Variants in PCDH7 observed in about 807,000 individuals in gnomAD.
The protein encoded by PCDH7 is protocadherin-7.
A neutral mutation model predicts 58.9 loss-of-function variants in PCDH7; 17 were observed. That is an observed-to-expected ratio of 0.29 (90% confidence interval 0.20 to 0.43). The LOEUF is 0.43. Among genes scored for constraint, PCDH7 ranks in the 20% least tolerant of loss-of-function variants. The pLI, the probability that PCDH7 is intolerant of heterozygous loss-of-function variation, is 1.00. For synonymous variants in PCDH7, 664 were observed against 616.4 expected, an observed-to-expected ratio of 1.08 and a Z score of -1.14; for missense variants, 1,274 against 1,441.0, an observed-to-expected ratio of 0.88 and a Z score of 1.88.
At chr4:31,020,350 C>T (rs920090874) in intron 3 of PCDH7, among the ~76,000 whole-genome samples, 1 of 152,090 alleles carries the variant, frequency 6.6e-6, no homozygotes, top group Non-Finnish European at 1.5e-5. Flanking sequence ...GAGATTCTCT[C>T]CTCTCTCTCT....
intron 1 of PCDH7, 136 bp from the exon 2 acceptor site, chr4:30,920,017 C>T: frequency 2.1e-6 from 1 of 486,106 alleles, no homozygotes; most frequent in Non-Finnish European, 3.4e-6. Context: ...TTAACTAATG[C>T]AGTTTCAACA....
intron 1 of PCDH7, among the ~76,000 whole-genome samples, chr4:30,798,277 A>G (rs1725055357): frequency 6.6e-6 from 1 of 152,216 alleles, no homozygotes; most frequent in Admixed American, 6.5e-5. Flanking sequence ...TAGAACAATA[A>G]CTTTCATGAC....
chr4:30,973,317 G>C (rs554985758), intron 3 of PCDH7, among the ~76,000 whole-genome samples: 21 of 152,162 alleles, frequency 1.4e-4, no homozygotes, highest in Admixed American at 1.4e-3. Context: ...GAAGACAGGG[G>C]ATATTGGTGT....
At chr4:31,004,571 A>G (rs1054564275) in intron 3 of PCDH7, among the ~76,000 whole-genome samples, 1 of 152,080 alleles carries the variant, frequency 6.6e-6, no homozygotes, top group African/African-American at 2.4e-5. Context: ...TTAGCTGATC[A>G]GCTACTTAGG....
intron 1 of PCDH7, among the ~76,000 whole-genome samples, chr4:30,779,877 C>G (rs897900285): frequency 6.6e-6 from 1 of 152,164 alleles, no homozygotes; most frequent in African/African-American, 2.4e-5. Context: ...GACAGCCAAA[C>G]TTGCTATTCA....
At chr4:31,010,473 G>T (rs1230456282) in intron 3 of PCDH7, among the ~76,000 whole-genome samples, 1 of 151,902 alleles carries the variant, frequency 6.6e-6, no homozygotes, top group East Asian at 1.9e-4. Context: ...AATTGGAAAA[G>T]GTAAGATTAT....
intron 1 of PCDH7, among the ~76,000 whole-genome samples, chr4:30,919,510 T>C (rs1036090695): frequency 2.6e-5 from 4 of 152,300 alleles, no homozygotes; most frequent in Non-Finnish European, 2.9e-5. Flanking sequence ...TTAAACTTTA[T>C]AGTTTATTTC....
At chr4:30,894,101 G>A (rs1461883433) in intron 1 of PCDH7, among the ~76,000 whole-genome samples, 1 of 152,006 alleles carries the variant, frequency 6.6e-6, no homozygotes, top group African/African-American at 2.4e-5. Flanking sequence ...TTGTTCTTAA[G>A]AAATTATTTC....
intron 1 of PCDH7, among the ~76,000 whole-genome samples, chr4:30,837,136 T>A (rs979891115): frequency 6.6e-6 from 1 of 152,246 alleles, no homozygotes; most frequent in East Asian, 1.9e-4. Flanking sequence ...TCAATGATTG[T>A]ATGATAAGTA....
intron 1 of PCDH7, among the ~76,000 whole-genome samples, chr4:30,808,614 GA>G (rs1726571134): frequency 6.6e-6 from 1 of 151,770 alleles, no homozygotes; most frequent in East Asian, 1.9e-4. Context: ...TTTTTGTGGG[GA>G]AAAATACATA....
At chr4:30,991,997 A>C (rs1008488366) in intron 3 of PCDH7, among the ~76,000 whole-genome samples, 1 of 152,166 alleles carries the variant, frequency 6.6e-6, no homozygotes. Context: ...CTTTGAAATC[A>C]AACAGATGAA....
chr4:31,094,101 A>G (rs1713630262), intron 3 of PCDH7, among the ~76,000 whole-genome samples: 1 of 152,120 alleles, frequency 6.6e-6, no homozygotes, highest in Non-Finnish European at 1.5e-5. Flanking sequence ...TGCCTCTTTG[A>G]TATCCTAAGA....
At position 30,996,414 on chromosome 4, in the gene PCDH7, A is replaced by G. The variant is rs61045497; in HGVS notation, c.*7+46199A>G. On this transcript the variant is annotated intron_variant, in intron 3 of 3. Transcript: ENST00000509759. ...GATAGTGATTCCAATGCGCGAGGACATTTTCCAGCATGGATAGAATCAGTA... is the reference window on the plus strand; with the variant it reads ...GATAGTGATTCCAATGCGCGAGGACGTTTTCCAGCATGGATAGAATCAGTA... 5.6e-3 allele frequency among the ~76,000 whole-genome samples: 851 copies of G among 152,308 alleles called. 8 individuals are homozygous for G. The highest frequency in any genetic ancestry group is 0.019 in the African/African-American group (802 of 41,564).
chr4:30,964,289 T>TG (rs1748783433), intron 3 of PCDH7, among the ~76,000 whole-genome samples: 2 of 151,378 alleles, frequency 1.3e-5, no homozygotes, highest in Non-Finnish European at 2.9e-5. Flanking sequence ...TCTCCCAGGC[T>TG]GGAGTGCAGT....
chr4:30,942,919 A>G (rs1039553567), intron 2 of PCDH7, among the ~76,000 whole-genome samples: 64 of 147,902 alleles, frequency 4.3e-4, no homozygotes, highest in African/African-American at 1.5e-3. Context: ...TTTCCTGACT[A>G]TGCTACTCTT....
chr4:30,829,965 G>A (rs563066435), intron 1 of PCDH7, among the ~76,000 whole-genome samples: 1 of 152,134 alleles, frequency 6.6e-6, no homozygotes, highest in South Asian at 2.1e-4. Context: ...AATCATGATT[G>A]CACATCTAGC....
intron 3 of PCDH7, among the ~76,000 whole-genome samples, chr4:31,001,483 A>C (rs1013506484): frequency 1.3e-5 from 2 of 152,134 alleles, no homozygotes; most frequent in African/African-American, 4.8e-5. Flanking sequence ...AAATTTTTTT[A>C]AAGTATATGT....
intron 1 of PCDH7, among the ~76,000 whole-genome samples, chr4:30,780,285 C>A (rs1722608311): frequency 6.6e-6 from 1 of 151,986 alleles, no homozygotes; most frequent in Admixed American, 6.6e-5. Context: ...GCAGGTAGAT[C>A]ATCTGAGGTC....
At chr4:31,028,316 C>G (rs1754614882) in intron 3 of PCDH7, among the ~76,000 whole-genome samples, 1 of 152,078 alleles carries the variant, frequency 6.6e-6, no homozygotes, top group South Asian at 2.1e-4. Flanking sequence ...ACACCACACT[C>G]AAGCTTAATT....
Sources: allele counts gnomAD v4.1 joint callset (sites outside exome capture counted in the v4.1 genomes callset), GRCh38; gene constraint gnomAD v4.1.1; transcripts MANE v1.5; gene names NCBI Gene and HGNC (gene_info 2026-07-23, HGNC 2026-07-21).